ZNF613: variants seen among roughly 807,000 people sequenced by gnomAD.
ZNF613 encodes zinc finger protein 613.
Under a neutral mutation model 14.3 loss-of-function variants are expected in ZNF613, and 8 were observed. That is an observed-to-expected ratio of 0.56 (90% confidence interval 0.33 to 1.01). The LOEUF (loss-of-function observed/expected upper bound fraction) is 1.01, where lower values mean the gene tolerates loss of function less well. ZNF613 is among the 50% of genes least tolerant of loss of function. The probability of loss-of-function intolerance (pLI) is 0.03; values close to 1 mark genes in which losing one functional copy is unlikely to be tolerated. For synonymous variants in ZNF613, 228 were observed against 254.5 expected (o/e 0.90, Z 0.99); for missense variants, 656 against 741.9 (o/e 0.88, Z 1.35).
chr19:51,943,557 G>C lies in ZNF613; in HGVS notation c.236-562G>C, dbSNP rs78803240. 3.3e-5 allele frequency among the ~76,000 whole-genome samples: 5 copies of C among 152,210 alleles called. No homozygotes were observed. In the East Asian group the frequency reaches 9.6e-4, roughly 29 times the overall value. ...ACTTAATAATGCTTCCAAAGCTCAA[G>C]AGTGTGATGCTGGCCTATTGTTATA... On this transcript the variant is annotated intron_variant, in intron 5 of 5. Coordinates refer to ENST00000293471, the MANE Select transcript of ZNF613 (RefSeq NM_001031721.4).
intron 3 of ZNF613, 105 bp from the exon 4 acceptor site, chr19:51,940,104 A>G (rs2085335149): frequency 1.4e-6 from 2 of 1,414,632 alleles, no homozygotes; most frequent in Non-Finnish European, 2.0e-6. Flanking sequence ...ACCTAGATAT[A>G]TAGATGCAGA....
chr19:51,938,725 G>GAT (rs113608259), intron 3 of ZNF613, among the ~76,000 whole-genome samples: 10,902 of 118,660 alleles, frequency 0.092, 502 homozygotes, highest in Admixed American at 0.12. Flanking sequence ...AATGTACATG[G>GAT]ATATATATAT....
chr19:51,938,742 ATATATATATG>A lies in ZNF613; in HGVS notation c.16-1465_16-1456del, dbSNP rs1042352818. ...TGTACATGGATATATATATATATATATATATATATGTGCAATATGCTGTATAGGTTTATAG... is the reference window on the plus strand; with the variant it reads ...TGTACATGGATATATATATATATATATGCAATATGCTGTATAGGTTTATAG... On this transcript the variant is annotated intron_variant, in intron 3 of 5. Transcript: ENST00000293471. Among the ~76,000 whole-genome samples, 329 of 143,204 alleles carry A rather than the reference ATATATATATG, an allele frequency of 2.3e-3. 6 individuals are homozygous for A. The highest frequency in any genetic ancestry group is 8.3e-3 in the African/African-American group (312 of 37,512). The allele number at this position is 143,204 out of a possible 152,430, so 93.9% of individuals were successfully genotyped here. A position where few individuals can be genotyped will look rare whatever the true frequency, so the allele number is the denominator to read the frequency against.
chr19:51,932,405 G>C (rs2085273394), intron 2 of ZNF613, among the ~76,000 whole-genome samples: 1 of 150,892 alleles, frequency 6.6e-6, no homozygotes, highest in East Asian at 1.9e-4. Flanking sequence ...TGCCTCCCGG[G>C]TTCAAGCAAT....
intron 3 of ZNF613, 61 bp from the exon 4 acceptor site, chr19:51,940,148 C>T: frequency 1.3e-6 from 2 of 1,589,742 alleles, no homozygotes; most frequent in Non-Finnish European, 1.7e-6. Context: ...CAATGTTCTT[C>T]ACATTTCTTC....
Position 51,934,022 on chromosome 19 carries a change from C to A in ZNF613, c.-193-2006C>A, listed in dbSNP as rs188096453. 3.9e-5 allele frequency among the ~76,000 whole-genome samples: 6 copies of A among 152,290 alleles called. No individual in the cohort carries two copies. The East Asian group carries it at 1.2e-3, about 29-fold the overall frequency. On this transcript the variant is annotated intron_variant, in intron 2 of 5. Coordinates refer to ENST00000293471, the MANE Select transcript of ZNF613 (RefSeq NM_001031721.4). Reference sequence around the variant, plus strand: ...CCATGTTGGCCTGGCTGGTCTTGAACTTCTGGCCTCAAGTGATCCTCTGGC... The same window carrying A: ...CCATGTTGGCCTGGCTGGTCTTGAAATTCTGGCCTCAAGTGATCCTCTGGC...
chr19:51,935,064 C>A (rs1028406531), intron 2 of ZNF613, among the ~76,000 whole-genome samples: 2 of 152,078 alleles, frequency 1.3e-5, no homozygotes, highest in Admixed American at 1.3e-4. Context: ...GAGCTTGTCA[C>A]AATGATTCCA....
chr19:51,935,893 C>T, intron 2 of ZNF613, 135 bp from the exon 3 acceptor site: 1 of 290,028 alleles, frequency 3.4e-6, no homozygotes, highest in Admixed American at 5.1e-5. Context: ...GTTGTTGCCC[C>T]AGGGTGGGTT....
At chr19:51,931,419 G>A (rs1310334958) in intron 2 of ZNF613, among the ~76,000 whole-genome samples, 1 of 152,064 alleles carries the variant, frequency 6.6e-6, no homozygotes, top group Admixed American at 6.6e-5. Context: ...CTATAAAACT[G>A]TCACTCTTCC....
In ZNF613 at chr19:51,945,983, G is replaced by A; in HGVS notation, c.*246G>A. On this transcript the variant is annotated 3_prime_UTR_variant, in exon 6 of 6. Transcript: ENST00000293471. ...ATCTTCAGTGAGCTTATAGTTGGTA[G>A]AAATATAATGATCATGGAAAAGTCC... The A allele has an allele frequency of 2.0e-6, 1 of 491,530 alleles. No individual in the cohort carries two copies. The highest frequency in any genetic ancestry group is 3.5e-5 in the Admixed American group (1 of 28,636). 30.4% of individuals were successfully genotyped at this position (491,530 alleles called of 1,614,324 possible).
intron 2 of ZNF613, among the ~76,000 whole-genome samples, chr19:51,935,026 G>C (rs1243464637): frequency 1.3e-5 from 2 of 152,160 alleles, no homozygotes; most frequent in Non-Finnish European, 2.9e-5. Context: ...AGACCCTGTG[G>C]GTTTGGAGCA....
chr19:51,940,039 A>G (rs1422996713), intron 3 of ZNF613, among the ~76,000 whole-genome samples, 170 bp from the exon 4 acceptor site: 2 of 152,134 alleles, frequency 1.3e-5, no homozygotes, highest in African/African-American at 4.8e-5. Context: ...ATATAGATAG[A>G]TTTTGGAGAT....
rs183763092 is a variant in ZNF613 at position 51,934,753 on chromosome 19, C to T, written c.-193-1275C>T. 1.1e-3 allele frequency among the ~76,000 whole-genome samples: 161 copies of T among 152,234 alleles called. 1 individual carries two copies. The highest frequency in any genetic ancestry group is 1.9e-3 in the Non-Finnish European group (129 of 68,030). ...AAGGGTCAAAAATGAAGTAGAAGCT[C>T]TTCAGCTATTCCTGGGAAAGGGGCT... On this transcript the variant is annotated intron_variant, in intron 2 of 5. Transcript: ENST00000293471.
At chr19:51,937,289 G>A (rs1420518435) in intron 3 of ZNF613, among the ~76,000 whole-genome samples, 4 of 152,222 alleles carry the variant, frequency 2.6e-5, no homozygotes, top group South Asian at 2.1e-4. Context: ...TGTGACTGGT[G>A]TCTGAAGTGA....
Position 51,945,231 on chromosome 19 carries a change from C to T in ZNF613, c.1348C>T (p.His450Tyr), listed in dbSNP as rs761728503. The change falls in exon 6 of 6, where the codon CAC becomes TAC. Residue 450 changes from histidine to tyrosine, a missense_variant. Transcript: ENST00000293471. ...KTCLISHQRF[H>Y]TGKTPFVCTE... The stretch of plus-strand genomic sequence containing the variant: ...ATGTTTAATATCCCATCAGAGATTT[C>T]ACACAGGAAAGACACCCTTTGTATG... 2 of 1,614,150 alleles carry T rather than the reference C, an allele frequency of 1.2e-6. No homozygotes were observed. The highest frequency in any genetic ancestry group is 1.7e-6 in the Non-Finnish European group (2 of 1,180,012).
At position 51,945,156 on chromosome 19, in the gene ZNF613, G is replaced by A. The variant is rs761495403; in HGVS notation, c.1273G>A (p.Glu425Lys). Reference sequence around the variant, plus strand: ...TATTCATCGACGTACTCACACTGGAGAGAAACCCTATGTATGCAATGAATG... The same window carrying A: ...TATTCATCGACGTACTCACACTGGAAAGAAACCCTATGTATGCAATGAATG... ...LLIHRRTHTG[E>K]KPYVCNECGK... The change falls in exon 6 of 6, where the codon GAG becomes AAG. Residue 425 changes from glutamate (E) to lysine (K), a missense_variant. Physicochemically the swap from Glu to Lys is moderately conservative, Grantham distance 56 (BLOSUM62 1). Coordinates refer to ENST00000293471, the MANE Select transcript of ZNF613 (RefSeq NM_001031721.4). 1.9e-6 allele frequency: 3 copies of A among 1,614,010 alleles called. No homozygotes were observed. Among genetic ancestry groups the A allele is most frequent in the African/African-American group, 2.7e-5 (2 of 74,920 alleles).
chr19:51,935,607 G>T (rs1246508611), intron 2 of ZNF613, among the ~76,000 whole-genome samples: 1 of 152,214 alleles, frequency 6.6e-6, no homozygotes. Context: ...TCTTCAAACT[G>T]AGGCATGCCT....
At position 51,945,206 on chromosome 19, in the gene ZNF613, A is replaced by G; in HGVS notation, c.1323A>G (p.Thr441=). ...GTGGGAAAGGCTTCAGCCAGAAGACATGTTTAATATCCCATCAGAGATTTC... is the reference window on the plus strand; with the variant it reads ...GTGGGAAAGGCTTCAGCCAGAAGACGTGTTTAATATCCCATCAGAGATTTC... The part of the protein sequence containing the change: ...NECGKGFSQK[T]CLISHQRFHT... The change falls in exon 6 of 6, where the codon ACA becomes ACG. Residue 441 remains threonine (T), a synonymous_variant. Transcript: ENST00000293471. The G allele has an allele frequency of 1.2e-6, 2 of 1,614,232 alleles. No homozygotes were observed. The highest frequency in any genetic ancestry group is 1.7e-6 in the Non-Finnish European group (2 of 1,180,028).
At chr19:51,936,362 G>C (rs1340217843) in intron 3 of ZNF613, 127 bp downstream of exon 3, 17 of 973,630 alleles carry the variant, frequency 1.7e-5, no homozygotes, top group Non-Finnish European at 2.5e-5. Context: ...AGTAAATTTA[G>C]ATTGTAATTT....
Sources: gnomAD v4.1 joint callset for allele counts (sites outside exome capture counted in the v4.1 genomes callset) on GRCh38, gnomAD v4.1.1 for gene constraint, MANE v1.5 for transcripts, NCBI Gene and HGNC (gene_info 2026-07-23, HGNC 2026-07-21) for gene names.